ATG9A: variants seen among roughly 807,000 people sequenced by gnomAD.
ATG9A encodes the protein autophagy-related protein 9A.
In ATG9A, 21 loss-of-function variants were observed where a neutral mutation model predicts 87.1. The ratio of observed to expected loss-of-function variants is 0.24; its 90% CI spans 0.17 to 0.35. The LOEUF (loss-of-function observed/expected upper bound fraction) is 0.35, where lower values mean the gene tolerates loss of function less well. ATG9A is among the 10% of genes least tolerant of loss of function. The pLI is 1.00. For synonymous variants in ATG9A, 422 were observed against 441.3 expected (o/e 0.96, Z 0.55); for missense variants, 836 against 1,107.3 (o/e 0.76, Z 3.48).
chr2:219,223,213 G>A lies in ATG9A; in HGVS notation c.1600-320C>T, dbSNP rs914427283. Among the ~76,000 whole-genome samples, 9 of 150,600 alleles carry A rather than the reference G, an allele frequency of 6.0e-5. No individual in the cohort carries two copies. Among genetic ancestry groups the A allele is most frequent in the Non-Finnish European group, 1.0e-4 (7 of 67,818 alleles). On this transcript the variant is annotated intron_variant, in intron 10 of 15. Coordinates refer to ENST00000361242, the MANE Select transcript of ATG9A (RefSeq NM_001077198.3). This position sits in a 1 kb window ranked among gnomAD's most constrained non-coding sequence, Gnocchi z 4.7. Reference sequence around the variant, plus strand: ...CGCCATTCTCCTGCCTCAGCCTCCCGAGTAGCTGGGACTACAGGCGCCCGC... The same window carrying A: ...CGCCATTCTCCTGCCTCAGCCTCCCAAGTAGCTGGGACTACAGGCGCCCGC...
In ATG9A at chr2:219,222,940, C is replaced by A. The variant is rs1041465664; in HGVS notation, c.1600-47G>T. 2.5e-6 allele frequency: 4 copies of A among 1,603,356 alleles called. No individual in the cohort carries two copies. The Admixed American group carries it at 6.7e-5, about 27-fold the overall frequency. On this transcript the variant is annotated intron_variant, in intron 10 of 15. Coordinates refer to ENST00000361242, the MANE Select transcript of ATG9A (RefSeq NM_001077198.3). This position sits in a 1 kb window ranked among gnomAD's most constrained non-coding sequence, Gnocchi z 4.3. ...AAGCAGGGCTGTTCTCTTCCAGGAG[C>A]CTTCCTGCACCTTTCCTGTTAGTGG... is the stretch of plus-strand genomic sequence containing the variant.
In ATG9A at chr2:219,224,228, G is replaced by T; in HGVS notation, c.1143C>A (p.Ala381=). The change falls in exon 8 of 16, where the codon GCC becomes GCA. Residue 381 remains alanine (A), a synonymous_variant. Coordinates refer to ENST00000361242, the MANE Select transcript of ATG9A (RefSeq NM_001077198.3). The surrounding 1 kb of genome is among the most constrained non-coding windows in gnomAD (Gnocchi z 7.7). ...PLLTLLAKNG[A]FFAGSILAVL... ...CAGCCAGGATGGAGCCAGCGAAGAA[G>T]GCTCCATTCTTGGCCAGCAGTGTCA... is the stretch of plus-strand genomic sequence containing the variant. The T allele has an allele frequency of 6.2e-7, 1 of 1,613,926 alleles. No homozygotes were observed.
rs772133830 is a variant in ATG9A at position 219,222,425 on chromosome 2, A to G, written c.1874T>C (p.Val625Ala). 1 of 1,574,108 alleles carries G rather than the reference A, an allele frequency of 6.4e-7. No homozygotes were observed. The highest frequency in any genetic ancestry group is 8.6e-7 in the Non-Finnish European group (1 of 1,161,256). The change falls in exon 12 of 16, where the codon GTA becomes GCA. Residue 625 changes from valine (V) to alanine (A), a missense_variant. Around this residue, in one of 2 missense-constraint regions of ATG9A, gnomAD observed 324 missense variants for 347.6 expected, o/e 0.93. Coordinates refer to ENST00000361242, the MANE Select transcript of ATG9A (RefSeq NM_001077198.3). This position sits in a 1 kb window ranked among gnomAD's most constrained non-coding sequence, Gnocchi z 4.3. Reference sequence around the variant, plus strand: ...AGGGCCCCGGCAGGATGAGCCAGCTACCACATTTGCGATAAGGCTCAGGGG... The same window carrying G: ...AGGGCCCCGGCAGGATGAGCCAGCTGCCACATTTGCGATAAGGCTCAGGGG... ...SEPLSLIANV[V>A]AGSSCRGPPL... is the part of the protein sequence containing the mutation.
rs777522002 is a variant in ATG9A, at chr2:219,223,791, G to A, written c.1420-27C>T. 6.2e-7 allele frequency: 1 copy of A among 1,613,732 alleles called. No homozygotes were observed. Among genetic ancestry groups the A allele is most frequent in the Non-Finnish European group, 8.5e-7 (1 of 1,179,864 alleles). The stretch of plus-strand genomic sequence containing the variant: ...TAAAAGGGCGGGACCAAGGTCACAA[G>A]CGAGCAGGAGGGAGCCCAGCCCTCA... On this transcript the variant is annotated intron_variant, in intron 9 of 15. Coordinates refer to ENST00000361242, the MANE Select transcript of ATG9A (RefSeq NM_001077198.3). This position sits in a 1 kb window ranked among gnomAD's most constrained non-coding sequence, Gnocchi z 4.7.
chr2:219,221,272 C>T lies in ATG9A; in HGVS notation c.2176G>A (p.Glu726Lys). 4 of 1,568,028 alleles carry T rather than the reference C, an allele frequency of 2.6e-6. No individual in the cohort carries two copies. Among genetic ancestry groups the T allele is most frequent in the Non-Finnish European group, 3.5e-6 (4 of 1,157,932 alleles). The change falls in exon 14 of 16, where the codon GAG becomes AAG. Residue 726 changes from glutamate to lysine, a missense_variant. Glu to Lys is a moderately conservative substitution (Grantham distance 56). Coordinates refer to ENST00000361242, the MANE Select transcript of ATG9A (RefSeq NM_001077198.3). ...LHKQQAQAEP[E>K]RHVWHRRESD... is the part of the protein sequence containing the mutation. ...TCCCGGCGGTGCCATACATGCCGCTCAGGTTCAGCCTGGGCCTGCTGCTTG... is the reference window on the plus strand; with the variant it reads ...TCCCGGCGGTGCCATACATGCCGCTTAGGTTCAGCCTGGGCCTGCTGCTTG...
chr2:219,225,026 A>G (rs1950833480), intron 7 of ATG9A, 45 bp downstream of exon 7: 11 of 1,610,574 alleles, frequency 6.8e-6, no homozygotes, highest in Non-Finnish European at 8.5e-6. Context: ...ACACCTCCCA[A>G]TACGTCTTAG....
intron 4 of ATG9A, among the ~76,000 whole-genome samples, chr2:219,227,362 CA>C (rs1398498296): frequency 3.3e-5 from 5 of 152,136 alleles, no homozygotes; most frequent in Non-Finnish European, 7.4e-5. Context: ...ATGAAAAATA[CA>C]AAAAATAGCT....
In ATG9A at chr2:219,223,030, C is replaced by G. The variant is rs1950792798; in HGVS notation, c.1600-137G>C. The G allele has an allele frequency of 9.0e-7, 1 of 1,106,164 alleles. No individual in the cohort carries two copies. Among genetic ancestry groups the G allele is most frequent in the South Asian group, 1.5e-5 (1 of 64,940 alleles). The allele number at this position is 1,106,164 out of a possible 1,614,324, so 68.5% of individuals were successfully genotyped here. ...GTCAATCTTTCCCAGGGCACTGGTG[C>G]CCCCCCAGACCCAGGAGGGGCTGCA... On this transcript the variant is annotated intron_variant, in intron 10 of 15. Transcript: ENST00000361242. The surrounding 1 kb of genome is among the most constrained non-coding windows in gnomAD (Gnocchi z 4.7).
chr2:219,223,471 TG>T lies in ATG9A; in HGVS notation c.1599+113del. 1 of 1,245,670 alleles carries T rather than the reference TG, an allele frequency of 8.0e-7. No individual in the cohort carries two copies. Among genetic ancestry groups the T allele is most frequent in the East Asian group, 2.5e-5 (1 of 39,576 alleles). 77.2% of individuals were successfully genotyped at this position (1,245,670 alleles called of 1,614,324 possible). On this transcript the variant is annotated intron_variant, in intron 10 of 15. Transcript: ENST00000361242. This position sits in a 1 kb window ranked among gnomAD's most constrained non-coding sequence, Gnocchi z 4.7. Reference sequence around the variant, plus strand: ...CCCAGGCTCCCAAGCAGTGTGCCCCTGGTATAGGACTGCCTTTGTGTGACTC... The same window carrying T: ...CCCAGGCTCCCAAGCAGTGTGCCCCTGTATAGGACTGCCTTTGTGTGACTC...
intron 5 of ATG9A, among the ~76,000 whole-genome samples, 192 bp downstream of exon 5, chr2:219,226,677 A>G (rs1950867974): frequency 6.6e-6 from 1 of 151,850 alleles, no homozygotes; most frequent in South Asian, 2.1e-4. Context: ...AGTGAGACTC[A>G]CTCCATCTCA....
intron 1 of ATG9A, chr2:219,228,715 G>A (rs1950925003): frequency 1.3e-5 from 2 of 152,242 alleles, no homozygotes; most frequent in African/African-American, 4.8e-5. Flanking sequence ...GGACCCCATG[G>A]AGAATGAGTG....
In ATG9A at chr2:219,224,156, T is replaced by A. The variant is rs749336185; in HGVS notation, c.1215A>T (p.Glu405Asp). 4 of 1,613,660 alleles carry A rather than the reference T, an allele frequency of 2.5e-6. No individual in the cohort carries two copies. Among genetic ancestry groups the A allele is most frequent in the Non-Finnish European group, 2.5e-6 (3 of 1,180,022 alleles). Residue 405 changes from glutamate to aspartate, a missense_variant, in exon 8 of 16, where the codon GAA (glutamate) becomes GAT (aspartate). Glu to Asp is a conservative substitution (Grantham distance 45). This residue lies in a region of ATG9A where 512 missense variants were observed against 759.6 expected (regional missense o/e 0.67). Transcript: ENST00000361242. The surrounding 1 kb of genome is among the most constrained non-coding windows in gnomAD (Gnocchi z 7.7). ...TIYDEDVLAV[E>D]HVLTTVTLLG... ...GGAGTGTGACGGTGGTCAGCACATG[T>A]TCCACAGCCAACACATCTTCGTCAT...
rs755404264 is a variant in ATG9A at position 219,220,819 on chromosome 2, C to T, written c.2442G>A (p.Gln814=). ...CGGGCTCAGGGTGCCTTGATGCCGA[C>T]TGCCCATCTTCTGCCCACCCTCCAA... The part of the protein sequence containing the change: ...LPLGGWAEDG[Q]SASRHPEPVP... Residue 814 remains glutamine (Q), a synonymous_variant, in exon 15 of 16, where the codon CAG becomes CAA. Coordinates refer to ENST00000361242, the MANE Select transcript of ATG9A (RefSeq NM_001077198.3). The T allele has an allele frequency of 6.2e-7, 1 of 1,613,500 alleles. No homozygotes were observed.
intron 13 of ATG9A, among the ~76,000 whole-genome samples, 200 bp downstream of exon 13, chr2:219,221,850 A>G (rs888412907): frequency 6.6e-5 from 10 of 152,156 alleles, no homozygotes; most frequent in Middle Eastern, 3.2e-3. Context: ...TGGATATCCC[A>G]GGGAACTGGA....
intron 4 of ATG9A, among the ~76,000 whole-genome samples, chr2:219,227,192 C>T (rs1281135699): frequency 2.0e-5 from 3 of 152,302 alleles, no homozygotes; most frequent in Admixed American, 2.0e-4. Context: ...AGTCAAAAGA[C>T]GTTACTTATT....
chr2:219,229,592 T>TCGGCTCGGCG lies in ATG9A; in HGVS notation c.-149_-140dup, dbSNP rs1380588523. ...CTCCGCCGGCTCCGCTCGGCTCGGC[T>TCGGCTCGGCG]CGGCTCGGCGCGACCCGCGGCGCTA... On this transcript the variant is annotated 5_prime_UTR_variant, in exon 1 of 16. Coordinates refer to ENST00000361242, the MANE Select transcript of ATG9A (RefSeq NM_001077198.3). The surrounding 1 kb of genome is among the most constrained non-coding windows in gnomAD (Gnocchi z 4.2). The TCGGCTCGGCG allele has an allele frequency of 3.3e-5, 5 of 152,466 alleles. No individual in the cohort carries two copies. The highest frequency in any genetic ancestry group is 4.8e-5 in the African/African-American group (2 of 41,350). 9.4% of individuals were successfully genotyped at this position (152,466 alleles called of 1,614,324 possible).
Position 219,220,069 on chromosome 2 carries a change from C to A in ATG9A, c.*378G>T. Reference sequence around the variant, plus strand: ...GTTGAGGGTCCAGGCCCAACCTCCCCACTCCACAGTTGGCACAGGTTCTCC... The same window carrying A: ...GTTGAGGGTCCAGGCCCAACCTCCCAACTCCACAGTTGGCACAGGTTCTCC... On this transcript the variant is annotated 3_prime_UTR_variant, in exon 16 of 16. Transcript: ENST00000361242. 3.8e-6 allele frequency: 1 copy of A among 265,440 alleles called. No homozygotes were observed. The highest frequency in any genetic ancestry group is 7.3e-6 in the Non-Finnish European group (1 of 137,510). The allele number at this position is 265,440 out of a possible 1,614,324, so 16.4% of individuals were successfully genotyped here.
chr2:219,228,714 G>A (rs1017413846), intron 1 of ATG9A: 3 of 152,262 alleles, frequency 2.0e-5, no homozygotes, highest in Admixed American at 1.3e-4. Context: ...GGGACCCCAT[G>A]GAGAATGAGT....
At position 219,224,010 on chromosome 2, in the gene ATG9A, C is replaced by G; in HGVS notation, c.1278G>C (p.Pro426=). 6.2e-7 allele frequency: 1 copy of G among 1,611,110 alleles called. No homozygotes were observed. The highest frequency in any genetic ancestry group is 1.1e-5 in the South Asian group (1 of 90,682). The change falls in exon 9 of 16, where the codon CCG becomes CCC. Residue 426 remains proline, a synonymous_variant. Transcript: ENST00000361242. This position sits in a 1 kb window ranked among gnomAD's most constrained non-coding sequence, Gnocchi z 7.7. ...VTVTVCRSFI[P]DQHMVFCPEQ... is the part of the protein sequence containing the mutation. The stretch of plus-strand genomic sequence containing the variant: ...CAGGGCAGAACACCATGTGCTGGTC[C>G]GGGATAAAGGACCTAGTGGGATCAG...
Sources: allele counts gnomAD v4.1 joint callset (sites outside exome capture counted in the v4.1 genomes callset), GRCh38; gene constraint gnomAD v4.1.1; regional missense constraint gnomAD v4.1.1; non-coding constraint Gnocchi (gnomAD v3.1); transcripts MANE v1.5; gene names NCBI Gene and HGNC (gene_info 2026-07-23, HGNC 2026-07-21).